The following PDE4B variants were observed in gnomAD, a reference collection of about 807,000 sequenced individuals.
PDE4B encodes the protein 3',5'-cyclic-AMP phosphodiesterase 4B.
In PDE4B, 20 loss-of-function variants were observed where a neutral mutation model predicts 82.2. The observed-to-expected ratio is 0.24, with a 90% confidence interval of 0.17 to 0.35. The LOEUF is 0.35. Among genes scored for constraint, PDE4B ranks in the 10% least tolerant of loss-of-function variants. The pLI is 1.00. For synonymous variants in PDE4B, 320 were observed against 318.9 expected (o/e 1.00, Z -0.04); for missense variants, 655 against 907.2 (o/e 0.72, Z 3.57).
At chr1:66,245,291 G>A (rs1049209293) in intron 3 of PDE4B, among the ~76,000 whole-genome samples, 4 of 152,100 alleles carry the variant, frequency 2.6e-5, no homozygotes, top group African/African-American at 9.7e-5. Context: ...TATCCAGAAA[G>A]GTTGCACAGA....
intron 3 of PDE4B, among the ~76,000 whole-genome samples, chr1:66,187,309 C>T (rs889349553): frequency 7.9e-5 from 12 of 151,854 alleles, no homozygotes; most frequent in Admixed American, 4.6e-4. Context: ...TTGGTTGTGT[C>T]TCTGCCAGTC....
At chr1:66,293,791 C>T (rs1657287266) in intron 7 of PDE4B, among the ~76,000 whole-genome samples, 1 of 152,148 alleles carries the variant, frequency 6.6e-6, no homozygotes, top group South Asian at 2.1e-4. Flanking sequence ...AGAATCTCAA[C>T]AAAAGGGCCA....
intron 4 of PDE4B, among the ~76,000 whole-genome samples, chr1:66,255,148 G>A (rs555771822): frequency 1.3e-4 from 20 of 150,766 alleles, no homozygotes; most frequent in Non-Finnish European, 2.1e-4. Context: ...GCAATAGTGC[G>A]ATCATGGCTC....
At chr1:66,002,735 G>T (rs1651931847) in intron 3 of PDE4B, among the ~76,000 whole-genome samples, 1 of 151,920 alleles carries the variant, frequency 6.6e-6, no homozygotes, top group South Asian at 2.1e-4. Context: ...ATGCTAGGTT[G>T]GGTATCAGTA....
chr1:65,870,290 G>A (rs114169453), intron 1 of PDE4B, among the ~76,000 whole-genome samples: 2,584 of 152,062 alleles, frequency 0.017, 84 homozygotes, highest in African/African-American at 0.06. Context: ...TGTTATTTTT[G>A]TCTTTAAATC....
At chr1:66,123,295 A>C (rs1471953626) in intron 3 of PDE4B, among the ~76,000 whole-genome samples, 1 of 152,236 alleles carries the variant, frequency 6.6e-6, no homozygotes. Context: ...AAAAGTGCAC[A>C]AATGTAACTT....
At chr1:66,326,671 G>T (rs1659772932) in intron 7 of PDE4B, among the ~76,000 whole-genome samples, 1 of 152,182 alleles carries the variant, frequency 6.6e-6, no homozygotes. Flanking sequence ...GCTCTTTTCT[G>T]TGTGCTTTCT....
intron 3 of PDE4B, among the ~76,000 whole-genome samples, chr1:65,978,338 T>C (rs1294215691): frequency 1.3e-5 from 2 of 152,114 alleles, no homozygotes; most frequent in Non-Finnish European, 2.9e-5. Flanking sequence ...GCACTACCAT[T>C]TAATTTTAAA....
Position 66,269,388 on chromosome 1 carries a change from TA to T in PDE4B, c.634+3302del, listed in dbSNP as rs542670800. The stretch of plus-strand genomic sequence containing the variant: ...AGGAGAAAGACGCAGTAAATCCTCC[TA>T]GGGGTGTCGAAAATGCCAATGTTGT... On this transcript the variant is annotated intron_variant, in intron 7 of 16. Transcript: ENST00000341517. 3.7e-3 allele frequency among the ~76,000 whole-genome samples: 570 copies of T among 152,288 alleles called. 2 individuals are homozygous for T. The highest frequency in any genetic ancestry group is 0.013 in the African/African-American group (550 of 41,550).
At chr1:65,990,629 A>G (rs1179664926) in intron 3 of PDE4B, among the ~76,000 whole-genome samples, 1 of 152,226 alleles carries the variant, frequency 6.6e-6, no homozygotes, top group Non-Finnish European at 1.5e-5. Flanking sequence ...ATCTTTAGAT[A>G]TTAAAACATG....
intron 3 of PDE4B, among the ~76,000 whole-genome samples, chr1:66,064,684 T>G (rs1655753476): frequency 6.6e-6 from 1 of 151,946 alleles, no homozygotes; most frequent in Non-Finnish European, 1.5e-5. Context: ...TATGGAAACT[T>G]AGGGTTGCAG....
chr1:66,187,092 A>T (rs7524218), intron 3 of PDE4B, among the ~76,000 whole-genome samples: 1 of 151,990 alleles, frequency 6.6e-6, no homozygotes. Flanking sequence ...TGAGATAATC[A>T]TGTAGTTTTG....
intron 1 of PDE4B, among the ~76,000 whole-genome samples, chr1:65,845,224 C>G (rs1646255409): frequency 6.6e-6 from 1 of 152,172 alleles, no homozygotes; most frequent in Non-Finnish European, 1.5e-5. Flanking sequence ...CAGTACTTCT[C>G]TCCACAGTTA....
intron 3 of PDE4B, among the ~76,000 whole-genome samples, chr1:66,231,685 C>T (rs6588190): frequency 0.16 from 23,934 of 152,186 alleles, 3,444 homozygotes; most frequent in East Asian, 0.37. Flanking sequence ...TGCAAAATAG[C>T]AATGCCTTCT....
chr1:66,179,048 C>T (rs1309222332), intron 3 of PDE4B, among the ~76,000 whole-genome samples: 2 of 152,078 alleles, frequency 1.3e-5, no homozygotes, highest in South Asian at 2.1e-4. Context: ...GACGAGGTTT[C>T]ACCATGTTGG....
chr1:66,054,211 C>T (rs1008663576), intron 3 of PDE4B, among the ~76,000 whole-genome samples: 40 of 152,088 alleles, frequency 2.6e-4, no homozygotes, highest in Admixed American at 2.0e-3. Context: ...AGATTACTAA[C>T]GTGTAATATG....
chr1:66,203,985 CT>C (rs1649289958), intron 3 of PDE4B, among the ~76,000 whole-genome samples: 1 of 152,130 alleles, frequency 6.6e-6, no homozygotes, highest in Non-Finnish European at 1.5e-5. Flanking sequence ...GTTTTATCTA[CT>C]TTTGGTCTTT....
At chr1:66,054,558 G>A (rs144551442) in intron 3 of PDE4B, among the ~76,000 whole-genome samples, 4 of 152,060 alleles carry the variant, frequency 2.6e-5, no homozygotes, top group African/African-American at 4.8e-5. Flanking sequence ...AATTGGCTTC[G>A]TCTCATTTGA....
intron 3 of PDE4B, among the ~76,000 whole-genome samples, chr1:65,976,731 C>T (rs1300160703): frequency 1.3e-5 from 2 of 152,202 alleles, no homozygotes; most frequent in Non-Finnish European, 2.9e-5. Context: ...TCCTGCTTAT[C>T]TCTCTGTCTC....
Sources: gnomAD v4.1 joint callset for allele counts (sites outside exome capture counted in the v4.1 genomes callset) on GRCh38, gnomAD v4.1.1 for gene constraint, MANE v1.5 for transcripts, NCBI Gene and HGNC (gene_info 2026-07-23, HGNC 2026-07-21) for gene names.